Variants in PAK6 observed in about 807,000 individuals in gnomAD.
The protein encoded by PAK6 is p21 (RAC1) activated kinase 6.
A neutral mutation model predicts 60.8 loss-of-function variants in PAK6; 33 were observed. The observed-to-expected ratio is 0.54, with a 90% CI of 0.41 to 0.73. The LOEUF (loss-of-function observed/expected upper bound fraction) is 0.73, where lower values mean the gene tolerates loss of function less well. Among genes scored for constraint, PAK6 ranks in the 30% least tolerant of loss-of-function variants. The pLI, the probability that PAK6 is intolerant of heterozygous loss-of-function variation, is 0.00. For missense variants in PAK6, 845 were observed against 904.1 expected (o/e 0.93, Z 0.84); for synonymous variants, 404 against 378.5 (o/e 1.07, Z -0.78).
At chr15:40,264,689 G>C (rs2039071936) in intron 3 of PAK6, 92 bp from the exon 4 acceptor site, 1 of 1,015,560 alleles carries the variant, frequency 9.8e-7, no homozygotes, top group South Asian at 1.4e-5. Flanking sequence ...TGTGCTGGGG[G>C]AGGGGAGGGA....
exon 5 of PAK6, chr15:40,266,461 G>A: frequency 6.2e-7 from 1 of 1,611,162 alleles, no homozygotes; most frequent in Non-Finnish European, 8.5e-7. Flanking sequence ...GCCCCTCCAA[G>A]CAGCAGCAAG....
exon 7 of PAK6, chr15:40,272,915 A>G (rs1452943453): frequency 2.5e-6 from 4 of 1,613,894 alleles, no homozygotes. Context: ...GAGATGTACA[A>G]GAGCTACCTG....
intron 2 of PAK6, among the ~76,000 whole-genome samples, chr15:40,243,429 T>C (rs1251610382): frequency 6.6e-6 from 1 of 152,214 alleles, no homozygotes; most frequent in Non-Finnish European, 1.5e-5. Flanking sequence ...GAGATAATTA[T>C]AGTACCTATG....
At chr15:40,256,680 ACTCGTGTCTGC>A in intron 3 of PAK6, among the ~76,000 whole-genome samples, 1 of 152,178 alleles carries the variant, frequency 6.6e-6, no homozygotes, top group Non-Finnish European at 1.5e-5. Flanking sequence ...CCTGGGTCAG[ACTCGTGTCTGC>A]CCCTTCTTTG....
At chr15:40,249,018 T>C (rs1017116042) in intron 2 of PAK6, among the ~76,000 whole-genome samples, 5 of 152,218 alleles carry the variant, frequency 3.3e-5, no homozygotes, top group Non-Finnish European at 7.3e-5. Flanking sequence ...CAGAAATTTA[T>C]TTCTCACAGT....
In PAK6 at chr15:40,266,121, G is replaced by A. The variant is rs776421325; in HGVS notation, c.484G>A (p.Glu162Lys). The A allele has an allele frequency of 1.3e-5, 21 of 1,609,664 alleles. No individual in the cohort carries two copies. Among genetic ancestry groups the A allele is most frequent in the Admixed American group, 1.2e-4 (7 of 59,896 alleles). Residue 162 changes from glutamate to lysine, a missense_variant, in exon 5 of 11, where the codon GAG becomes AAG. By Grantham distance (56) the Glu-to-Lys change is moderately conservative (BLOSUM62 1). Transcript: ENST00000560346. Reference sequence around the variant, plus strand: ...AGGCCACAAGCAGATGCCGTGGCCCGAGCCACAGAGCCCACGGGTCCTGCC... The same window carrying A: ...AGGCCACAAGCAGATGCCGTGGCCCAAGCCACAGAGCCCACGGGTCCTGCC...
At chr15:40,240,489 G>A (rs1466954499) in intron 1 of PAK6, 110 bp from the exon 2 acceptor site, 3 of 359,044 alleles carry the variant, frequency 8.4e-6, no homozygotes, top group African/African-American at 6.5e-5. Flanking sequence ...TGTGCCCACA[G>A]TGGCAGGACA....
chr15:40,267,226 G>A (rs2039167668), intron 5 of PAK6, among the ~76,000 whole-genome samples: 1 of 152,138 alleles, frequency 6.6e-6, no homozygotes, highest in Non-Finnish European at 1.5e-5. Flanking sequence ...TCCCTCCTGG[G>A]AGGGCTTTAA....
intron 2 of PAK6, among the ~76,000 whole-genome samples, chr15:40,248,752 T>C (rs1211345007): frequency 1.3e-5 from 2 of 152,140 alleles, no homozygotes; most frequent in Non-Finnish European, 1.5e-5. Context: ...CCCTCTTGTG[T>C]CTCACGTGAC....
At chr15:40,276,972 C>T (rs2039473955) in exon 11 of PAK6, 1 of 152,174 alleles carries the variant, frequency 6.6e-6, no homozygotes. Flanking sequence ...AAGTCTAACA[C>T]TCCTGGGAGC....
At chr15:40,273,200 C>A (rs1037133041) in intron 7 of PAK6, 146 bp from the exon 8 acceptor site, 2 of 1,167,848 alleles carry the variant, frequency 1.7e-6, no homozygotes, top group Non-Finnish European at 2.4e-6. Context: ...CCAGTTTTCA[C>A]CAGGGCTATG....
chr15:40,242,890 G>T (rs886132441), intron 2 of PAK6, among the ~76,000 whole-genome samples: 1 of 152,208 alleles, frequency 6.6e-6, no homozygotes, highest in Non-Finnish European at 1.5e-5. Context: ...ACTACTAGGT[G>T]CAAGCACTGG....
At chr15:40,253,453 G>C (rs2038746779) in intron 3 of PAK6, among the ~76,000 whole-genome samples, 164 bp downstream of exon 3, 1 of 152,266 alleles carries the variant, frequency 6.6e-6, no homozygotes, top group South Asian at 2.1e-4. Flanking sequence ...TCGATCCTTA[G>C]TGGGTGCATG....
At chr15:40,261,709 T>C (rs1013731924) in intron 3 of PAK6, among the ~76,000 whole-genome samples, 2 of 152,076 alleles carry the variant, frequency 1.3e-5, no homozygotes, top group African/African-American at 4.8e-5. Context: ...CTTTAGGTGG[T>C]TGATTGGTTG....
rs145909400 is a variant in PAK6, at chr15:40,265,544, C to T, written c.205-298C>T. 1.2e-3 allele frequency among the ~76,000 whole-genome samples: 184 copies of T among 152,252 alleles called. 1 individual carries two copies. In the East Asian group the frequency reaches 0.028, roughly 23 times the overall value. ...GAATGGAGCCCCGCCCCCTGAGCTC[C>T]AGCTCCCTGGCCCAGCCGACCACAC... On this transcript the variant is annotated intron_variant, in intron 4 of 10. Transcript: ENST00000560346.
intron 4 of PAK6, among the ~76,000 whole-genome samples, chr15:40,265,206 C>T (rs780002336): frequency 6.6e-6 from 1 of 152,184 alleles, no homozygotes; most frequent in Non-Finnish European, 1.5e-5. Flanking sequence ...GGTGGGGTTG[C>T]CAGATTCAGC....
At chr15:40,269,165 C>T (rs998849227) in intron 5 of PAK6, among the ~76,000 whole-genome samples, 1 of 152,156 alleles carries the variant, frequency 6.6e-6, no homozygotes, top group Non-Finnish European at 1.5e-5. Context: ...ATTACAGGCA[C>T]GCTCCACCAT....
At chr15:40,277,118 C>G in exon 11 of PAK6, 1 of 152,220 alleles carries the variant, frequency 6.6e-6, no homozygotes, top group South Asian at 2.1e-4. Context: ...CTCTTCAGAA[C>G]CCTATCTGGG....
At chr15:40,266,653 G>GAGGCGAGCCACCCTCCTTA in intron 5 of PAK6, 158 bp downstream of exon 5, 1 of 601,836 alleles carries the variant, frequency 1.7e-6, no homozygotes, top group Non-Finnish European at 2.7e-6. Flanking sequence ...CTCTAAGGAG[G>GAGGCGAGCCACCCTCCTTA]GTGGCTCGCC....
Sources: gnomAD v4.1 joint callset for allele counts (sites outside exome capture counted in the v4.1 genomes callset) on GRCh38, gnomAD v4.1.1 for gene constraint, MANE v1.5 for transcripts, NCBI Gene and HGNC (gene_info 2026-07-23, HGNC 2026-07-21) for gene names.